Variants in SLC25A21 observed in about 807,000 individuals in gnomAD.
The protein encoded by SLC25A21 is mitochondrial 2-oxodicarboxylate carrier.
SLC25A21 carries 47 observed loss-of-function variants against 43.8 expected under a neutral mutation model. That is an observed-to-expected ratio of 1.07 (90% CI 0.85 to 1.37). The LOEUF (loss-of-function observed/expected upper bound fraction) is 1.37. Ranked by LOEUF, SLC25A21 falls within the 40% of genes most tolerant of loss-of-function variation. The probability of loss-of-function intolerance (pLI) is 0.00; values close to 1 mark genes in which losing one functional copy is unlikely to be tolerated. For synonymous variants in SLC25A21, 131 were observed against 121.3 expected (o/e 1.08, Z -0.52); for missense variants, 352 against 350.2 (o/e 1.00, Z -0.04).
chr14:36,835,993 G>T (rs943122129), intron 2 of SLC25A21, among the ~76,000 whole-genome samples: 2 of 152,070 alleles, frequency 1.3e-5, no homozygotes, highest in Non-Finnish European at 1.5e-5. Context: ...AATATCTTTC[G>T]CTGAGTGAAC....
chr14:36,731,715 T>C (rs78009249), intron 4 of SLC25A21, among the ~76,000 whole-genome samples: 2,834 of 152,256 alleles, frequency 0.019, 35 homozygotes, highest in Non-Finnish European at 0.03. Flanking sequence ...CAGGCATTGG[T>C]AGTTTCCTTG....
intron 1 of SLC25A21, among the ~76,000 whole-genome samples, chr14:37,024,094 G>A (rs1232843520): frequency 6.6e-6 from 1 of 152,064 alleles, no homozygotes; most frequent in Non-Finnish European, 1.5e-5. Context: ...ATCACTGAGG[G>A]AAAAAAATGC....
intron 1 of SLC25A21, among the ~76,000 whole-genome samples, chr14:36,970,568 T>A (rs1959727155): frequency 6.6e-6 from 1 of 152,198 alleles, no homozygotes. Flanking sequence ...GATGAAAGAA[T>A]GGCATTACTA....
chr14:36,929,523 T>C (rs1009974979), intron 1 of SLC25A21, among the ~76,000 whole-genome samples: 2 of 152,138 alleles, frequency 1.3e-5, no homozygotes, highest in Non-Finnish European at 2.9e-5. Flanking sequence ...AATTAGAGAA[T>C]ATTAAGGAAA....
At chr14:36,911,025 A>G (rs2138611547) in intron 1 of SLC25A21, among the ~76,000 whole-genome samples, 1 of 152,322 alleles carries the variant, frequency 6.6e-6, no homozygotes, top group Non-Finnish European at 1.5e-5. Flanking sequence ...TTTTCTCACA[A>G]GCATCATCAT....
chr14:36,889,076 A>G (rs1043004281), intron 1 of SLC25A21, among the ~76,000 whole-genome samples: 7 of 152,192 alleles, frequency 4.6e-5, no homozygotes, highest in Non-Finnish European at 7.3e-5. Flanking sequence ...CTGTTATTCT[A>G]CACTGGCCTC....
intron 1 of SLC25A21, among the ~76,000 whole-genome samples, chr14:36,962,278 C>T (rs187302857): frequency 7.2e-4 from 110 of 152,240 alleles, no homozygotes; most frequent in African/African-American, 2.4e-3. Context: ...ATAGTTACTA[C>T]GGTGAAGCAG....
intron 9 of SLC25A21, among the ~76,000 whole-genome samples, chr14:36,680,926 A>G (rs1882221635): frequency 1.3e-5 from 2 of 152,046 alleles, no homozygotes; most frequent in Admixed American, 6.6e-5. Flanking sequence ...CTCCAAATAC[A>G]TTTTTCCCCA....
At chr14:37,165,275 G>A (rs577031227) in intron 1 of SLC25A21, among the ~76,000 whole-genome samples, 35 of 152,170 alleles carry the variant, frequency 2.3e-4, no homozygotes, top group Non-Finnish European at 4.7e-4. Flanking sequence ...TACTCAGAAG[G>A]CTGAGGCAAA....
At chr14:36,726,917 A>G (rs1397228284) in intron 5 of SLC25A21, among the ~76,000 whole-genome samples, 1 of 152,216 alleles carries the variant, frequency 6.6e-6, no homozygotes, top group East Asian at 1.9e-4. Flanking sequence ...GGAGAAAGGA[A>G]TATCTTCTAA....
chr14:37,106,899 TAGAA>T (rs1458620930), intron 1 of SLC25A21, among the ~76,000 whole-genome samples: 1 of 152,138 alleles, frequency 6.6e-6, no homozygotes, highest in African/African-American at 2.4e-5. Context: ...TTATGGAAAA[TAGAA>T]AGAACCTACG....
chr14:37,077,750 G>A (rs1962309849), intron 1 of SLC25A21, among the ~76,000 whole-genome samples: 2 of 152,064 alleles, frequency 1.3e-5, no homozygotes, highest in Non-Finnish European at 2.9e-5. Flanking sequence ...AAATTCACAT[G>A]AGAATATTAA....
At chr14:36,819,500 T>A (rs1888558238) in intron 2 of SLC25A21, among the ~76,000 whole-genome samples, 1 of 152,178 alleles carries the variant, frequency 6.6e-6, no homozygotes, top group Non-Finnish European at 1.5e-5. Flanking sequence ...TCAGCATAGA[T>A]ATACCACTTC....
At chr14:36,771,371 T>TC (rs1886612412) in intron 3 of SLC25A21, among the ~76,000 whole-genome samples, 1 of 152,098 alleles carries the variant, frequency 6.6e-6, no homozygotes, top group East Asian at 1.9e-4. Flanking sequence ...GATTTTTTTT[T>TC]GGTGGCACTT....
intron 1 of SLC25A21, among the ~76,000 whole-genome samples, chr14:36,940,770 C>T (rs1190084702): frequency 6.6e-6 from 1 of 152,106 alleles, no homozygotes; most frequent in African/African-American, 2.4e-5. Context: ...TTGGATAGAA[C>T]TCTGACCATA....
intron 7 of SLC25A21, among the ~76,000 whole-genome samples, chr14:36,704,029 C>T (rs1202849137): frequency 2.6e-5 from 4 of 152,136 alleles, no homozygotes; most frequent in Non-Finnish European, 5.9e-5. Context: ...TAAGTGAATT[C>T]CATGGTCAGT....
chr14:37,102,406 G>A (rs944263366), intron 1 of SLC25A21, among the ~76,000 whole-genome samples: 1 of 151,066 alleles, frequency 6.6e-6, no homozygotes, highest in Non-Finnish European at 1.5e-5. Context: ...TCATGCCAAT[G>A]CACTCCAGCC....
chr14:36,912,322 G>A (rs1278830309), intron 1 of SLC25A21, among the ~76,000 whole-genome samples: 1 of 152,192 alleles, frequency 6.6e-6, no homozygotes, highest in African/African-American at 2.4e-5. Flanking sequence ...AGAATGGGAT[G>A]TACCAGGAAC....
At chr14:36,882,911 A>G (rs1428126868) in intron 1 of SLC25A21, among the ~76,000 whole-genome samples, 1 of 151,928 alleles carries the variant, frequency 6.6e-6, no homozygotes, top group Admixed American at 6.6e-5. Flanking sequence ...CTTCGAATCT[A>G]TCTGGAAATC....
Sources: allele counts gnomAD v4.1 joint callset (sites outside exome capture counted in the v4.1 genomes callset), GRCh38; gene constraint gnomAD v4.1.1; transcripts MANE v1.5; gene names NCBI Gene and HGNC (gene_info 2026-07-23, HGNC 2026-07-21).